Variants in ZFAND3 observed in about 807,000 individuals in gnomAD.
The protein encoded by ZFAND3 is AN1-type zinc finger protein 3.
A neutral mutation model predicts 29.6 loss-of-function variants in ZFAND3; 10 were observed. That is an observed-to-expected ratio of 0.34 (90% confidence interval 0.21 to 0.57). The LOEUF is 0.57. Ranked by LOEUF, ZFAND3 falls within the 20% of genes least tolerant of loss-of-function variation. The pLI is 0.86. For synonymous variants in ZFAND3, 128 were observed against 112.6 expected (o/e 1.14, Z -0.87); for missense variants, 230 against 304.5 (o/e 0.76, Z 1.82).
At chr6:38,100,120 G>A (rs1205473737) in intron 4 of ZFAND3, among the ~76,000 whole-genome samples, 1 of 151,866 alleles carries the variant, frequency 6.6e-6, no homozygotes, top group African/African-American at 2.4e-5. Context: ...CTGGAGTGTA[G>A]TGGCATGACC....
intron 5 of ZFAND3, among the ~76,000 whole-genome samples, chr6:38,120,218 C>A (rs919270906): frequency 2.0e-5 from 3 of 148,620 alleles, no homozygotes; most frequent in Admixed American, 6.8e-5. Flanking sequence ...AGAGGATGTT[C>A]TTCTGCAATC....
chr6:37,884,110 G>A (rs74716358), intron 1 of ZFAND3, among the ~76,000 whole-genome samples: 11,084 of 145,062 alleles, frequency 0.076, 1,490 homozygotes, highest in Non-Finnish European at 0.091. Context: ...TGGGAGATTA[G>A]AATGGTTTTG....
chr6:38,122,293 C>A (rs549964713), intron 5 of ZFAND3, among the ~76,000 whole-genome samples: 3 of 152,130 alleles, frequency 2.0e-5, no homozygotes, highest in Admixed American at 6.5e-5. Flanking sequence ...ACCTAGAATA[C>A]CTAATACAAT....
intron 2 of ZFAND3, among the ~76,000 whole-genome samples, chr6:37,933,172 A>C (rs562708608): frequency 2.0e-5 from 3 of 152,372 alleles, no homozygotes. Context: ...TGTAAAATGT[A>C]CAGTGTACTT....
At chr6:37,898,647 G>A (rs1241415119) in intron 1 of ZFAND3, among the ~76,000 whole-genome samples, 3 of 152,072 alleles carry the variant, frequency 2.0e-5, no homozygotes, top group Middle Eastern at 3.2e-3. Context: ...ATAATTTTCA[G>A]TGTAGCAACC....
At chr6:38,097,811 A>G (rs1765012249) in intron 4 of ZFAND3, among the ~76,000 whole-genome samples, 1 of 152,160 alleles carries the variant, frequency 6.6e-6, no homozygotes, top group Non-Finnish European at 1.5e-5. Flanking sequence ...GTGAGAAAGA[A>G]CTTAGAGATG....
chr6:38,122,134 T>C (rs1765546720), intron 5 of ZFAND3, among the ~76,000 whole-genome samples: 2 of 152,210 alleles, frequency 1.3e-5, no homozygotes, highest in African/African-American at 2.4e-5. Context: ...TTTGTTATGG[T>C]ACAGTTGTCC....
At chr6:38,009,768 T>C (rs1304305645) in intron 2 of ZFAND3, among the ~76,000 whole-genome samples, 3 of 152,250 alleles carry the variant, frequency 2.0e-5, no homozygotes, top group Admixed American at 2.0e-4. Flanking sequence ...GACAATGTTA[T>C]GACTGGTGGT....
intron 1 of ZFAND3, among the ~76,000 whole-genome samples, chr6:37,840,553 C>T (rs1275931843): frequency 6.6e-6 from 1 of 152,188 alleles, no homozygotes. Flanking sequence ...TTTGAAATTA[C>T]ATATGAATTT....
chr6:37,958,827 G>A (rs1469703642), intron 2 of ZFAND3, among the ~76,000 whole-genome samples: 1 of 151,582 alleles, frequency 6.6e-6, no homozygotes, highest in Admixed American at 6.6e-5. Context: ...GGATAGACGT[G>A]AATTCTGGTA....
At chr6:38,134,353 AATTAT>A (rs1765801656) in intron 5 of ZFAND3, among the ~76,000 whole-genome samples, 1 of 152,160 alleles carries the variant, frequency 6.6e-6, no homozygotes, top group Non-Finnish European at 1.5e-5. Flanking sequence ...CACATCGGTG[AATTAT>A]ATTGATTTTA....
intron 2 of ZFAND3, among the ~76,000 whole-genome samples, chr6:37,961,454 G>A (rs1015092215): frequency 6.6e-6 from 1 of 152,234 alleles, no homozygotes; most frequent in East Asian, 1.9e-4. Flanking sequence ...AAGGACATAG[G>A]TCTGCCTGGC....
At chr6:37,882,361 G>A (rs931811484) in intron 1 of ZFAND3, among the ~76,000 whole-genome samples, 15 of 151,972 alleles carry the variant, frequency 9.9e-5, no homozygotes, top group African/African-American at 3.1e-4. Context: ...TGATATAGCC[G>A]CCCCCCCAAT....
At chr6:37,836,629 T>A (rs1028880908) in intron 1 of ZFAND3, among the ~76,000 whole-genome samples, 4 of 152,188 alleles carry the variant, frequency 2.6e-5, no homozygotes, top group Non-Finnish European at 5.9e-5. Context: ...TACCAGGGTA[T>A]GTTTTGTGAA....
In ZFAND3 at chr6:37,916,388, G is replaced by A. The variant is rs530655727; in HGVS notation, c.72-13571G>A. Among the ~76,000 whole-genome samples, 5 of 152,156 alleles carry A rather than the reference G, an allele frequency of 3.3e-5. No individual in the cohort carries two copies. The East Asian group carries it at 7.8e-4, about 24-fold the overall frequency. On this transcript the variant is annotated intron_variant, in intron 1 of 5. Transcript: ENST00000287218. Reference sequence around the variant, plus strand: ...AAAACCAGGTATGCCAGCCGGGCACGGTGGCTCATGCCTGTAATCCCAGCA... The same window carrying A: ...AAAACCAGGTATGCCAGCCGGGCACAGTGGCTCATGCCTGTAATCCCAGCA...
At chr6:37,886,339 G>T (rs968358648) in intron 1 of ZFAND3, among the ~76,000 whole-genome samples, 7 of 139,972 alleles carry the variant, frequency 5.0e-5, no homozygotes, top group African/African-American at 1.6e-4. Context: ...TAATGACAAA[G>T]AAACCAATGG....
At chr6:38,043,910 T>C (rs1763846108) in intron 2 of ZFAND3, among the ~76,000 whole-genome samples, 2 of 152,150 alleles carry the variant, frequency 1.3e-5, no homozygotes, top group Non-Finnish European at 2.9e-5. Flanking sequence ...CCCAAAGTGC[T>C]GGAATTACAG....
intron 3 of ZFAND3, chr6:38,062,698 C>G (rs1554170880): frequency 6.6e-6 from 1 of 152,214 alleles, no homozygotes; most frequent in Non-Finnish European, 1.5e-5. Context: ...TTTATAATGT[C>G]ATAATATACA....
At chr6:37,978,230 A>T (rs1275683369) in intron 2 of ZFAND3, among the ~76,000 whole-genome samples, 2 of 152,134 alleles carry the variant, frequency 1.3e-5, no homozygotes, top group Admixed American at 1.3e-4. Flanking sequence ...CCTTTAATTC[A>T]TTAATATAGT....
Sources: allele counts gnomAD v4.1 joint callset (sites outside exome capture counted in the v4.1 genomes callset), GRCh38; gene constraint gnomAD v4.1.1; transcripts MANE v1.5; gene names NCBI Gene and HGNC (gene_info 2026-07-23, HGNC 2026-07-21).